The following MRPS27 variants were observed in gnomAD, a reference collection of about 807,000 sequenced individuals.
MRPS27 encodes small ribosomal subunit protein mS27.
A neutral mutation model predicts 48.9 loss-of-function variants in MRPS27; 43 were observed. That is an observed-to-expected ratio of 0.88 (90% CI 0.69 to 1.13). The LOEUF is 1.13. Among genes scored for constraint, MRPS27 ranks in the 50% most tolerant of loss-of-function variants. The pLI is 0.00. For missense variants in MRPS27, 467 were observed against 476.3 expected (o/e 0.98, Z 0.18); for synonymous variants, 188 against 171.9 (o/e 1.09, Z -0.73).
At chr5:72,297,576 G>T in intron 3 of MRPS27, 56 bp downstream of exon 3, 1 of 1,079,012 alleles carries the variant, frequency 9.3e-7, no homozygotes, top group South Asian at 1.4e-5. Context: ...TACATGAAGG[G>T]CCTTTCTGGC....
chr5:72,290,043 T>C lies in MRPS27; in HGVS notation c.281+5488A>G, dbSNP rs142576872. 1.7e-3 allele frequency among the ~76,000 whole-genome samples: 264 copies of C among 152,302 alleles called. 2 individuals are homozygous for C. The highest frequency in any genetic ancestry group is 6.1e-3 in the African/African-American group (254 of 41,564). On this transcript the variant is annotated intron_variant, in intron 4 of 10. Coordinates refer to ENST00000261413, the MANE Select transcript of MRPS27 (RefSeq NM_015084.3). ...TAATCAAATACTAACACAAGAATGG[T>C]TAAAGCTTGTCATAACCATGAAAAT...
In MRPS27 at chr5:72,309,478, G is replaced by A. The variant is rs577531874; in HGVS notation, c.151+4603C>T. Among the ~76,000 whole-genome samples the A allele has an allele frequency of 3.7e-3, 556 of 152,202 alleles. 3 individuals are homozygous for A. Among genetic ancestry groups the A allele is most frequent in the Admixed American group, 6.3e-3 (97 of 15,298 alleles). On this transcript the variant is annotated intron_variant, in intron 2 of 10. Coordinates refer to ENST00000261413, the MANE Select transcript of MRPS27 (RefSeq NM_015084.3). Reference sequence around the variant, plus strand: ...GGGGTTTCACCATGTTGTCCAGGCTGGTCTTGAACTCCTGACTTGATCTGC... The same window carrying A: ...GGGGTTTCACCATGTTGTCCAGGCTAGTCTTGAACTCCTGACTTGATCTGC...
chr5:72,261,441 G>A (rs1748972318), intron 4 of MRPS27, among the ~76,000 whole-genome samples: 1 of 151,822 alleles, frequency 6.6e-6, no homozygotes, highest in Admixed American at 6.6e-5. Flanking sequence ...GTAGAGATGG[G>A]GTTTTACCAT....
In MRPS27 at chr5:72,297,662, C is replaced by T. The variant is rs1750015515; in HGVS notation, c.192G>A (p.Lys64=). The change falls in exon 3 of 11, where the codon AAG becomes AAA. Residue 64 remains lysine, a synonymous_variant. Coordinates refer to ENST00000261413, the MANE Select transcript of MRPS27 (RefSeq NM_015084.3). ...ASLMDKTFER[K]LPVSSLTISR... is the part of the protein sequence containing the mutation. Reference sequence around the variant, plus strand: ...ATATTGTTAAAGAACTAACAGGCAACTTTCTCTCAAATGTTTTATCCATTA... The same window carrying T: ...ATATTGTTAAAGAACTAACAGGCAATTTTCTCTCAAATGTTTTATCCATTA... 5 of 1,602,400 alleles carry T rather than the reference C, an allele frequency of 3.1e-6. No homozygotes were observed. Among genetic ancestry groups the T allele is most frequent in the Non-Finnish European group, 4.3e-6 (5 of 1,174,718 alleles).
intron 1 of MRPS27, 79 bp downstream of exon 1, chr5:72,320,069 TC>T: frequency 6.9e-7 from 1 of 1,452,018 alleles, no homozygotes; most frequent in Non-Finnish European, 9.7e-7. Context: ...CAGAAACGTT[TC>T]CTCTCCTCTT....
intron 4 of MRPS27, among the ~76,000 whole-genome samples, chr5:72,294,392 A>C (rs1421735485): frequency 6.6e-6 from 1 of 152,216 alleles, no homozygotes; most frequent in Non-Finnish European, 1.5e-5. Flanking sequence ...AAAACAAGCA[A>C]GATCAAATGG....
intron 6 of MRPS27, 82 bp downstream of exon 6, chr5:72,234,037 A>G: frequency 1.5e-6 from 2 of 1,319,990 alleles, no homozygotes; most frequent in Non-Finnish European, 2.0e-6. Context: ...AAGAAATAAA[A>G]AAGGGGAAGT....
chr5:72,282,393 C>T (rs1319560545), intron 4 of MRPS27, among the ~76,000 whole-genome samples: 1 of 152,130 alleles, frequency 6.6e-6, no homozygotes, highest in Non-Finnish European at 1.5e-5. Flanking sequence ...ACTTAAAACC[C>T]TACTGAAGTA....
At chr5:72,276,277 C>T (rs572514646) in intron 4 of MRPS27, among the ~76,000 whole-genome samples, 7 of 152,118 alleles carry the variant, frequency 4.6e-5, no homozygotes, top group Admixed American at 6.5e-5. Flanking sequence ...TACAACCATC[C>T]GATCTTTGAC....
At chr5:72,250,662 C>T (rs948719368) in intron 4 of MRPS27, among the ~76,000 whole-genome samples, 1 of 152,126 alleles carries the variant, frequency 6.6e-6, no homozygotes, top group Non-Finnish European at 1.5e-5. Flanking sequence ...ACCTTAATCA[C>T]TGGGTTATTA....
chr5:72,265,836 T>C (rs1749095725), intron 4 of MRPS27, among the ~76,000 whole-genome samples: 1 of 152,220 alleles, frequency 6.6e-6, no homozygotes, highest in Non-Finnish European at 1.5e-5. Flanking sequence ...CTGGCTCTGT[T>C]ACGAAAACAA....
In MRPS27 at chr5:72,220,646, G is replaced by A. The variant is rs896750607; in HGVS notation, c.*263C>T. ...CTCATAACTAATCCCTGTGCCCCAGGAACTCCATTATGAGCCTCAAGAGTC... is the reference window on the plus strand; with the variant it reads ...CTCATAACTAATCCCTGTGCCCCAGAAACTCCATTATGAGCCTCAAGAGTC... On this transcript the variant is annotated 3_prime_UTR_variant, in exon 11 of 11. Transcript: ENST00000261413. 6.3e-6 allele frequency: 3 copies of A among 474,724 alleles called. No homozygotes were observed. Among genetic ancestry groups the A allele is most frequent in the Non-Finnish European group, 7.5e-6 (2 of 268,050 alleles). The allele number at this position is 474,724 out of a possible 1,614,324, so 29.4% of individuals were successfully genotyped here.
rs576604212 is a variant in MRPS27, at chr5:72,299,044, C to T, written c.152-1342G>A. ...CAGAAAACCAAATACCACATGTTCTCATTTACAAGTGGGTGGTAAGCACTG... is the reference window on the plus strand; with the variant it reads ...CAGAAAACCAAATACCACATGTTCTTATTTACAAGTGGGTGGTAAGCACTG... On this transcript the variant is annotated intron_variant, in intron 2 of 10. Coordinates refer to ENST00000261413, the MANE Select transcript of MRPS27 (RefSeq NM_015084.3). 6.5e-4 allele frequency among the ~76,000 whole-genome samples: 99 copies of T among 152,206 alleles called. 1 individual carries two copies. Among genetic ancestry groups the T allele is most frequent in the Admixed American group, 3.8e-3 (58 of 15,296 alleles).
chr5:72,239,492 C>T (rs1045190263), intron 4 of MRPS27, among the ~76,000 whole-genome samples: 1 of 152,082 alleles, frequency 6.6e-6, no homozygotes, highest in Non-Finnish European at 1.5e-5. Context: ...TTTTTCTCTA[C>T]AAATTAGCCC....
intron 2 of MRPS27, among the ~76,000 whole-genome samples, chr5:72,307,333 C>T (rs903378401): frequency 6.6e-6 from 1 of 151,966 alleles, no homozygotes; most frequent in Non-Finnish European, 1.5e-5. Context: ...ACCTGGGCGA[C>T]AAGAGCAAGG....
chr5:72,297,831 A>G (rs566168178), intron 2 of MRPS27, 129 bp from the exon 3 acceptor site: 2 of 452,634 alleles, frequency 4.4e-6, no homozygotes, highest in East Asian at 3.6e-5. Context: ...TTATTTTTAT[A>G]TAAATTAAAG....
chr5:72,252,013 C>A (rs564413755), intron 4 of MRPS27, among the ~76,000 whole-genome samples: 2 of 152,224 alleles, frequency 1.3e-5, no homozygotes, highest in Admixed American at 1.3e-4. Context: ...ACAGCAGTCA[C>A]ATGAAAACAA....
At position 72,317,770 on chromosome 5, in the gene MRPS27, C is replaced by T. The variant is rs191716213; in HGVS notation, c.73+2379G>A. Reference sequence around the variant, plus strand: ...TGGCATGATCTTGGCTCACTGCAACCTTTGCCTCCAGGGTTCAAGCAATTC... The same window carrying T: ...TGGCATGATCTTGGCTCACTGCAACTTTTGCCTCCAGGGTTCAAGCAATTC... On this transcript the variant is annotated intron_variant, in intron 1 of 10. Coordinates refer to ENST00000261413, the MANE Select transcript of MRPS27 (RefSeq NM_015084.3). Among the ~76,000 whole-genome samples, 1,448 of 152,292 alleles carry T rather than the reference C, an allele frequency of 9.5e-3. 20 individuals are homozygous for T. Among genetic ancestry groups the T allele is most frequent in the Middle Eastern group, 0.02 (6 of 294 alleles).
At chr5:72,258,664 A>G (rs1748879043) in intron 4 of MRPS27, among the ~76,000 whole-genome samples, 3 of 152,280 alleles carry the variant, frequency 2.0e-5, no homozygotes, top group African/African-American at 7.2e-5. Context: ...TCAATAGAAC[A>G]TGGCAATCAA....
Sources: allele counts gnomAD v4.1 joint callset (sites outside exome capture counted in the v4.1 genomes callset), GRCh38; gene constraint gnomAD v4.1.1; transcripts MANE v1.5; gene names NCBI Gene and HGNC (gene_info 2026-07-23, HGNC 2026-07-21).